The following SMAD3 variants were observed in gnomAD, a reference collection of about 807,000 sequenced individuals.
SMAD3 encodes SMAD family member 3.
In SMAD3, 12 loss-of-function variants were observed where a neutral mutation model predicts 51.8. That is an observed-to-expected ratio of 0.23 (90% CI 0.15 to 0.38). SMAD3 has a LOEUF of 0.38. Among genes scored for constraint, SMAD3 ranks in the 10% least tolerant of loss-of-function variants. The probability of loss-of-function intolerance (pLI) is 1.00; values close to 1 mark genes in which losing one functional copy is unlikely to be tolerated. For missense variants in SMAD3, 294 were observed against 565.6 expected (o/e 0.52, Z 4.87); for synonymous variants, 238 against 227.7 (o/e 1.05, Z -0.41).
chr15:67,114,461 A>G (rs1354166289), intron 1 of SMAD3, among the ~76,000 whole-genome samples: 2 of 152,168 alleles, frequency 1.3e-5, no homozygotes, highest in East Asian at 1.9e-4. Flanking sequence ...TATTGGGTGG[A>G]CCTCTTCGTC....
chr15:67,153,166 G>C (rs561329987), intron 1 of SMAD3, among the ~76,000 whole-genome samples: 145 of 152,306 alleles, frequency 9.5e-4, no homozygotes, highest in Non-Finnish European at 1.7e-3. Flanking sequence ...TGAGTGAGAA[G>C]TGCTGGGTAA....
At chr15:67,176,577 A>G (rs151056851) in intron 5 of SMAD3, among the ~76,000 whole-genome samples, 1 of 152,272 alleles carries the variant, frequency 6.6e-6, no homozygotes, top group Non-Finnish European at 1.5e-5. Flanking sequence ...TCTCTTGCAC[A>G]TGTTTTTAAT....
At chr15:67,185,160 C>A (rs926807436) in intron 7 of SMAD3, among the ~76,000 whole-genome samples, 1 of 152,184 alleles carries the variant, frequency 6.6e-6, no homozygotes, top group African/African-American at 2.4e-5. Context: ...ATTCATTGCA[C>A]AAACAGCATG....
At chr15:67,097,903 G>A (rs1397575718) in intron 1 of SMAD3, among the ~76,000 whole-genome samples, 12 of 152,184 alleles carry the variant, frequency 7.9e-5, no homozygotes, top group Admixed American at 7.2e-4. Flanking sequence ...TCTTCAGGCT[G>A]TGCTCTAGAA....
chr15:67,101,883 G>A (rs1340928672), intron 1 of SMAD3, among the ~76,000 whole-genome samples: 1 of 152,232 alleles, frequency 6.6e-6, no homozygotes, highest in East Asian at 1.9e-4. Context: ...TTACTGAAAT[G>A]AAACCCAAGG....
At position 67,113,093 on chromosome 15, in the gene SMAD3, TA is replaced by T. The variant is rs534489398; in HGVS notation, c.206+46734del. 2.0e-4 allele frequency among the ~76,000 whole-genome samples: 21 copies of T among 105,354 alleles called. 4 individuals are homozygous for T. The highest frequency in any genetic ancestry group is 9.9e-4 in the African/African-American group (21 of 21,266). The allele number at this position is 105,354 out of a possible 152,430, so 69.1% of individuals were successfully genotyped here. The stretch of plus-strand genomic sequence containing the variant: ...ATATATGTGTATATATATATATATA[TA>T]TTTTTTTGAGACAGAGTCTTGCTCT... On this transcript the variant is annotated intron_variant, in intron 1 of 8. Coordinates refer to ENST00000327367, the MANE Select transcript of SMAD3 (RefSeq NM_005902.4).
intron 6 of SMAD3, among the ~76,000 whole-genome samples, chr15:67,184,359 G>A (rs1223397280): frequency 6.6e-6 from 1 of 152,154 alleles, no homozygotes; most frequent in Admixed American, 6.5e-5. Flanking sequence ...CTCCCACCTT[G>A]CCCTCCTAAA....
At chr15:67,163,088 C>T (rs1196955538) in intron 1 of SMAD3, among the ~76,000 whole-genome samples, 1 of 152,068 alleles carries the variant, frequency 6.6e-6, no homozygotes, top group Non-Finnish European at 1.5e-5. Context: ...ATTCTCCTGC[C>T]TCAGCCTCCT....
intron 1 of SMAD3, among the ~76,000 whole-genome samples, chr15:67,085,961 GGTGAGTA>G (rs1960384100): frequency 6.6e-6 from 1 of 151,944 alleles, no homozygotes; most frequent in South Asian, 2.1e-4. Context: ...AAGTGCTGGT[GGTGAGTA>G]GTTGCCCTGA....
At chr15:67,182,986 TAAA>T (rs35277759) in intron 6 of SMAD3, among the ~76,000 whole-genome samples, 1,866 of 47,702 alleles carry the variant, frequency 0.039, 100 homozygotes, top group African/African-American at 0.058. Context: ...TATATTTTAT[TAAA>T]AAAAAAAAAA....
At chr15:67,122,162 C>T (rs1192940363) in intron 1 of SMAD3, among the ~76,000 whole-genome samples, 4 of 152,204 alleles carry the variant, frequency 2.6e-5, no homozygotes, top group African/African-American at 9.7e-5. Context: ...CTGAGTCCTA[C>T]AGAGGTTAAG....
rs188249446 is a variant in SMAD3 at position 67,164,183 on chromosome 15, C to T, written c.207-712C>T. Among the ~76,000 whole-genome samples the T allele has an allele frequency of 6.0e-5, 9 of 150,254 alleles. No individual in the cohort carries two copies. In the East Asian group the frequency reaches 1.0e-3, roughly 17 times the overall value. On this transcript the variant is annotated intron_variant, in intron 1 of 8. Transcript: ENST00000327367. ...AAACAAAATTAGCTGGGCGTAGTGG[C>T]GGGTGCCTGTGGTCCCAGCTACTCA...
intron 1 of SMAD3, chr15:67,138,227 G>GGACT: frequency 1.4e-6 from 1 of 713,776 alleles, no homozygotes; most frequent in South Asian, 1.7e-5. Context: ...GTGGGGATGT[G>GGACT]GACTCTTAGG....
At chr15:67,167,674 A>AG (rs1009802274) in intron 4 of SMAD3, among the ~76,000 whole-genome samples, 1 of 152,168 alleles carries the variant, frequency 6.6e-6, no homozygotes, top group African/African-American at 2.4e-5. Flanking sequence ...TCCTGCCGTG[A>AG]GGGGCAGGGC....
intron 1 of SMAD3, among the ~76,000 whole-genome samples, chr15:67,118,236 G>C (rs766489191): frequency 6.6e-6 from 1 of 152,212 alleles, no homozygotes; most frequent in African/African-American, 2.4e-5. Flanking sequence ...TCCCTGCAGT[G>C]GGGGAGCCCA....
chr15:67,164,431 G>A (rs1022199024), intron 1 of SMAD3, among the ~76,000 whole-genome samples: 12 of 150,332 alleles, frequency 8.0e-5, no homozygotes, highest in African/African-American at 2.7e-4. Context: ...GACAGCCTTT[G>A]TACTTTGTCA....
chr15:67,114,417 A>G (rs942330733), intron 1 of SMAD3, among the ~76,000 whole-genome samples: 2 of 152,238 alleles, frequency 1.3e-5, no homozygotes, highest in Non-Finnish European at 2.9e-5. Flanking sequence ...CACCGGGGGC[A>G]AGGAACAAGC....
chr15:67,092,237 A>AG (rs1261908888), intron 1 of SMAD3, among the ~76,000 whole-genome samples: 5 of 152,220 alleles, frequency 3.3e-5, no homozygotes, highest in African/African-American at 1.2e-4. Flanking sequence ...GATGGATCAG[A>AG]GGGCAAACTG....
At chr15:67,102,230 G>A (rs948010231) in intron 1 of SMAD3, among the ~76,000 whole-genome samples, 7 of 136,342 alleles carry the variant, frequency 5.1e-5, no homozygotes, top group African/African-American at 1.9e-4. Flanking sequence ...GATCAGTCTT[G>A]GGGGAAATGC....
Sources: gnomAD v4.1 joint callset for allele counts (sites outside exome capture counted in the v4.1 genomes callset) on GRCh38, gnomAD v4.1.1 for gene constraint, MANE v1.5 for transcripts, NCBI Gene and HGNC (gene_info 2026-07-23, HGNC 2026-07-21) for gene names.